Variants in ZNF676 observed in about 807,000 individuals in gnomAD.
ZNF676 encodes zinc finger protein 676.
Under a neutral mutation model 6.0 loss-of-function variants are expected in ZNF676, and 4 were observed. The observed-to-expected ratio is 0.67, with a 90% CI of 0.33 to 1.53. The LOEUF (loss-of-function observed/expected upper bound fraction) is 1.53. Among genes scored for constraint, ZNF676 ranks in the 40% most tolerant of loss-of-function variants. ZNF676 has a pLI of 0.06. For synonymous variants in ZNF676, 198 were observed against 223.1 expected (o/e 0.89, Z 1.00); for missense variants, 644 against 679.7 (o/e 0.95, Z 0.58).
At chr19:22,245,271 G>A in the ZNF676 span, 1 of 151,880 alleles carries the variant, frequency 6.6e-6, no homozygotes, top group African/African-American at 2.4e-5. Flanking sequence ...GCCCAGAGAT[G>A]GATTACAATG....
the ZNF676 span, among the ~76,000 whole-genome samples, chr19:22,230,629 A>G: frequency 6.6e-6 from 1 of 150,578 alleles, no homozygotes; most frequent in Non-Finnish European, 1.5e-5. Context: ...TATATTATAT[A>G]TATGTATGTG....
the ZNF676 span, among the ~76,000 whole-genome samples, chr19:22,247,832 G>A: frequency 2.0e-5 from 3 of 152,096 alleles, no homozygotes; most frequent in South Asian, 6.2e-4. Context: ...ATAAGACATG[G>A]GGAGCTTCTA....
In ZNF676 at chr19:22,179,815, T is replaced by C. The variant is rs2023702847; in HGVS notation, c.*135A>G. 2 of 1,034,790 alleles carry C rather than the reference T, an allele frequency of 1.9e-6. No homozygotes were observed. Among genetic ancestry groups the C allele is most frequent in the East Asian group, 2.5e-5 (1 of 40,776 alleles). 64.1% of individuals were successfully genotyped at this position (1,034,790 alleles called of 1,614,324 possible). A position where few individuals can be genotyped will look rare whatever the true frequency, so the allele number is the denominator to read the frequency against. ...TTTCTCTCCAGCATGAATTTTCTTA[T>C]GTGTAATAAAGATTGAGGACTGTTT... On this transcript the variant is annotated 3_prime_UTR_variant, in exon 3 of 3. Coordinates refer to ENST00000397121, the MANE Select transcript of ZNF676 (RefSeq NM_001001411.3).
chr19:22,223,761 C>G, the ZNF676 span, among the ~76,000 whole-genome samples: 2 of 151,486 alleles, frequency 1.3e-5, no homozygotes, highest in Admixed American at 6.6e-5. Context: ...TTTCTTCAGC[C>G]TATATTTAAA....
upstream of ZNF676, among the ~76,000 whole-genome samples, chr19:22,219,675 G>A (rs572907047): frequency 9.6e-5 from 14 of 146,114 alleles, no homozygotes; most frequent in South Asian, 2.2e-4. Flanking sequence ...TTTTTTTCTC[G>A]GACGGAGTCT....
the ZNF676 span, among the ~76,000 whole-genome samples, chr19:22,221,533 C>G: frequency 6.6e-6 from 1 of 152,096 alleles, no homozygotes. Flanking sequence ...GGTGGATAAC[C>G]TGAGGTCAGG....
chr19:22,227,492 A>G, the ZNF676 span, among the ~76,000 whole-genome samples: 3 of 152,198 alleles, frequency 2.0e-5, no homozygotes, highest in Admixed American at 6.5e-5. Flanking sequence ...CTGGCAGAAG[A>G]CAAGAAATAA....
the ZNF676 span, among the ~76,000 whole-genome samples, chr19:22,235,016 GAAAGAAAGAAAGAAAGA>G: frequency 1.3e-5 from 1 of 78,786 alleles, no homozygotes; most frequent in African/African-American, 5.2e-5. Flanking sequence ...AAGAAAGAAA[GAAAGAAAGAAAGAAAGA>G]AAAGAAAAGA....
chr19:22,221,898 A>T, the ZNF676 span, among the ~76,000 whole-genome samples: 4 of 152,236 alleles, frequency 2.6e-5, no homozygotes, highest in Non-Finnish European at 5.9e-5. Flanking sequence ...TCTAAGGTGT[A>T]GTTTAAGACC....
chr19:22,183,949 C>T lies in ZNF676; in HGVS notation c.131-2363G>A, dbSNP rs186928685. ...ATGTGTGTGTCTCACATTAGGATTA[C>T]AAATATATAAAGCAAATATTGATAG... On this transcript the variant is annotated intron_variant, in intron 2 of 2. Transcript: ENST00000397121. 5.9e-5 allele frequency among the ~76,000 whole-genome samples: 9 copies of T among 152,110 alleles called. No homozygotes were observed. The East Asian group carries it at 1.5e-3, about 26-fold the overall frequency.
At chr19:22,253,448 ATATATATGATAATGTGTG>A in the ZNF676 span, among the ~76,000 whole-genome samples, 1 of 118,174 alleles carries the variant, frequency 8.5e-6, no homozygotes, top group Non-Finnish European at 1.8e-5. Flanking sequence ...TAATGTGTAT[ATATATATGATAATGTGTG>A]TATATATATG....
chr19:22,213,564 G>A (rs2024152783), intron 1 of ZNF676, among the ~76,000 whole-genome samples: 1 of 144,784 alleles, frequency 6.9e-6, no homozygotes, highest in Non-Finnish European at 1.5e-5. Context: ...GAGATGAGAG[G>A]CTACACTCCA....
chr19:22,189,023 CAA>C (rs56866226), intron 2 of ZNF676, among the ~76,000 whole-genome samples: 1 of 149,894 alleles, frequency 6.7e-6, no homozygotes, highest in Admixed American at 6.6e-5. Context: ...CATATGGAAC[CAA>C]AAAAAAAATC....
At chr19:22,198,849 T>C (rs1030693000), upstream of ZNF676, among the ~76,000 whole-genome samples, 10 of 152,150 alleles carry the variant, frequency 6.6e-5, no homozygotes, top group African/African-American at 2.4e-4. Context: ...CACGGTGTAC[T>C]GTCCCTACCA....
chr19:22,186,137 T>C (rs946953645), intron 2 of ZNF676, among the ~76,000 whole-genome samples: 1 of 152,136 alleles, frequency 6.6e-6, no homozygotes, highest in African/African-American at 2.4e-5. Context: ...CACAGAAATG[T>C]AGGGTTACCC....
chr19:22,193,707 T>C (rs1276575649), intron 1 of ZNF676, among the ~76,000 whole-genome samples: 1 of 152,126 alleles, frequency 6.6e-6, no homozygotes, highest in Non-Finnish European at 1.5e-5. Context: ...ACAAAAAATT[T>C]TGCATGCTGA....
At chr19:22,182,593 A>AAAAAAAAAAAAC (rs1356303631) in intron 2 of ZNF676, among the ~76,000 whole-genome samples, 2 of 90,926 alleles carry the variant, frequency 2.2e-5, no homozygotes, top group Non-Finnish European at 4.2e-5. Flanking sequence ...TCTAAAAAAA[A>AAAAAAAAAAAAC]AAAAAAAAAG....
At chr19:22,199,012 GAAC>G (rs1233443667), upstream of ZNF676, among the ~76,000 whole-genome samples, 11 of 151,974 alleles carry the variant, frequency 7.2e-5, no homozygotes, top group African/African-American at 2.2e-4. Flanking sequence ...CTTCCACCAA[GAAC>G]AATAAACAGA....
At chr19:22,204,912 TATATAC>T (rs1476181232) in intron 1 of ZNF676, among the ~76,000 whole-genome samples, 2 of 152,320 alleles carry the variant, frequency 1.3e-5, no homozygotes, top group East Asian at 3.9e-4. Flanking sequence ...GCAGAAGAAA[TATATAC>T]ATATAATCTA....
Sources: allele counts gnomAD v4.1 joint callset (sites outside exome capture counted in the v4.1 genomes callset), GRCh38; gene constraint gnomAD v4.1.1; transcripts MANE v1.5; gene names NCBI Gene and HGNC (gene_info 2026-07-23, HGNC 2026-07-21).